The following GABBR2 variants were observed in gnomAD, a reference collection of about 807,000 sequenced individuals.
The protein encoded by GABBR2 is gamma-aminobutyric acid type B receptor subunit 2.
A neutral mutation model predicts 105.6 loss-of-function variants in GABBR2; 23 were observed. The ratio of observed to expected loss-of-function variants is 0.22; its 90% confidence interval spans 0.16 to 0.31. GABBR2 has a LOEUF of 0.31. Ranked by LOEUF, GABBR2 falls within the 10% of genes least tolerant of loss-of-function variation. The probability of loss-of-function intolerance (pLI) is 1.00; values close to 1 mark genes in which losing one functional copy is unlikely to be tolerated. For synonymous variants in GABBR2, 478 were observed against 499.7 expected, an observed-to-expected ratio of 0.96 and a Z score of 0.58; for missense variants, 734 against 1,245.5, an observed-to-expected ratio of 0.59 and a Z score of 6.18.
At chr9:98,665,563 A>T (rs1157188363) in intron 1 of GABBR2, among the ~76,000 whole-genome samples, 1 of 152,146 alleles carries the variant, frequency 6.6e-6, no homozygotes, top group African/African-American at 2.4e-5. Flanking sequence ...GTACTAGAGG[A>T]ATCTGGTGGG....
chr9:98,386,129 C>G (rs551645887), intron 10 of GABBR2, among the ~76,000 whole-genome samples: 1 of 152,080 alleles, frequency 6.6e-6, no homozygotes, highest in Non-Finnish European at 1.5e-5. Context: ...TCAAGTTCAC[C>G]TATTACTTCC....
chr9:98,625,319 A>T (rs1158246045), intron 1 of GABBR2, among the ~76,000 whole-genome samples: 1 of 152,216 alleles, frequency 6.6e-6, no homozygotes, highest in African/African-American at 2.4e-5. Context: ...CTCAGGGCTC[A>T]GGACCATCCA....
chr9:98,602,387 G>A (rs141649144), intron 1 of GABBR2, among the ~76,000 whole-genome samples: 4,501 of 148,806 alleles, frequency 0.03, 78 homozygotes, highest in East Asian at 0.057. Flanking sequence ...CAGGAGAATC[G>A]CTTGAACCCG....
intron 13 of GABBR2, among the ~76,000 whole-genome samples, chr9:98,322,001 G>C (rs1430466799): frequency 6.6e-6 from 1 of 151,870 alleles, no homozygotes; most frequent in Non-Finnish European, 1.5e-5. Flanking sequence ...TCTTGAAAAA[G>C]GAGTCCTCAC....
chr9:98,686,149 C>CCA (rs1180347535), intron 1 of GABBR2, among the ~76,000 whole-genome samples: 2 of 152,158 alleles, frequency 1.3e-5, no homozygotes, highest in Non-Finnish European at 2.9e-5. Context: ...TCATCCCCCG[C>CCA]CAGCTCCAGG....
intron 1 of GABBR2, among the ~76,000 whole-genome samples, chr9:98,691,473 T>C (rs1830681468): frequency 6.6e-6 from 1 of 152,216 alleles, no homozygotes; most frequent in East Asian, 1.9e-4. Flanking sequence ...TGCCCAGCTC[T>C]CCGTTGACTG....
rs1830260844 is a variant in GABBR2 at position 98,289,773 on chromosome 9, T to C, written c.*811A>G. 6.5e-6 allele frequency: 1 copy of C among 152,752 alleles called. No individual in the cohort carries two copies. The highest frequency in any genetic ancestry group is 3.4e-3 in the Middle Eastern group (1 of 296). The allele number at this position is 152,752 out of a possible 1,614,324, so 9.5% of individuals were successfully genotyped here. A position where few individuals can be genotyped will look rare whatever the true frequency, so the allele number is the denominator to read the frequency against. On this transcript the variant is annotated 3_prime_UTR_variant, in exon 19 of 19. Coordinates refer to ENST00000259455, the MANE Select transcript of GABBR2 (RefSeq NM_005458.8). ...GTGGTCCCCCTGGTTACTGGGAGCA[T>C]CCGATAGGAACACAAGGACATGGCC...
At chr9:98,445,310 C>CAGGGACG (rs1765493057) in intron 7 of GABBR2, among the ~76,000 whole-genome samples, 1 of 152,094 alleles carries the variant, frequency 6.6e-6, no homozygotes, top group Admixed American at 6.5e-5. Flanking sequence ...CAAAATGCAC[C>CAGGGACG]AGGGACGAGG....
chr9:98,412,617 C>G (rs1832610315), intron 7 of GABBR2, among the ~76,000 whole-genome samples: 1 of 152,200 alleles, frequency 6.6e-6, no homozygotes, highest in Non-Finnish European at 1.5e-5. Flanking sequence ...CCCTCAGTCC[C>G]TTGCTCCTCT....
chr9:98,488,806 C>A (rs1179105294), intron 4 of GABBR2, among the ~76,000 whole-genome samples: 1 of 151,328 alleles, frequency 6.6e-6, no homozygotes, highest in Non-Finnish European at 1.5e-5. Flanking sequence ...GGACACGAAG[C>A]TGGGAGGCAT....
intron 13 of GABBR2, among the ~76,000 whole-genome samples, chr9:98,315,722 A>G (rs1172787486): frequency 6.6e-6 from 1 of 152,216 alleles, no homozygotes; most frequent in African/African-American, 2.4e-5. Flanking sequence ...AGAGGGCACC[A>G]AAGAGCCACA....
At chr9:98,603,243 C>G (rs916351709) in intron 1 of GABBR2, among the ~76,000 whole-genome samples, 2 of 152,208 alleles carry the variant, frequency 1.3e-5, no homozygotes, top group Admixed American at 6.5e-5. Flanking sequence ...TCCCCAAAGG[C>G]TGGAAATCAT....
At chr9:98,429,178 T>C (rs1045749113) in intron 7 of GABBR2, among the ~76,000 whole-genome samples, 2 of 147,538 alleles carry the variant, frequency 1.4e-5, no homozygotes, top group Non-Finnish European at 3.0e-5. Flanking sequence ...GTTGCTCCGC[T>C]GCCCAGGCTG....
At chr9:98,436,346 ACC>A (rs1825913517) in intron 7 of GABBR2, among the ~76,000 whole-genome samples, 4 of 19,388 alleles carry the variant, frequency 2.1e-4, no homozygotes, top group Non-Finnish European at 2.8e-4. Context: ...ACACACACAC[ACC>A]ATATATATAT....
chr9:98,354,514 T>A (rs1263126303), intron 13 of GABBR2, among the ~76,000 whole-genome samples: 2 of 152,268 alleles, frequency 1.3e-5, no homozygotes, highest in Admixed American at 1.3e-4. Context: ...CTTAGCTATA[T>A]CTTCTAGATA....
chr9:98,525,433 T>G (rs923652269), intron 3 of GABBR2, among the ~76,000 whole-genome samples: 1 of 152,172 alleles, frequency 6.6e-6, no homozygotes, highest in African/African-American at 2.4e-5. Context: ...ATTAGAGAAA[T>G]GCACATCAAA....
At chr9:98,633,613 C>T (rs1200789558) in intron 1 of GABBR2, among the ~76,000 whole-genome samples, 3 of 126,392 alleles carry the variant, frequency 2.4e-5, no homozygotes, top group African/African-American at 3.1e-5. Flanking sequence ...AACAAGAGCG[C>T]GAGACTCCAT....
chr9:98,684,166 C>T (rs1277698436), intron 1 of GABBR2, among the ~76,000 whole-genome samples: 1 of 5,656 alleles, frequency 1.8e-4, no homozygotes, highest in Admixed American at 1.9e-3. Context: ...CATTTTACCA[C>T]GGTAAAAAAA....
At chr9:98,658,777 T>C (rs574479626) in intron 1 of GABBR2, among the ~76,000 whole-genome samples, 10 of 152,262 alleles carry the variant, frequency 6.6e-5, no homozygotes, top group Admixed American at 3.3e-4. Flanking sequence ...TGGTAATAGT[T>C]GTGGCTCACA....
Sources: gnomAD v4.1 joint callset for allele counts (sites outside exome capture counted in the v4.1 genomes callset) on GRCh38, gnomAD v4.1.1 for gene constraint, MANE v1.5 for transcripts, NCBI Gene and HGNC (gene_info 2026-07-23, HGNC 2026-07-21) for gene names.